AAMDC: variants seen among roughly 807,000 people sequenced by gnomAD.
The protein encoded by AAMDC is mth938 domain-containing protein.
In AAMDC, 16 loss-of-function variants were observed where a neutral mutation model predicts 15.5. The observed-to-expected ratio is 1.03, with a 90% confidence interval of 0.70 to 1.57. The LOEUF is 1.57. Ranked by LOEUF, AAMDC falls within the 40% of genes most tolerant of loss-of-function variation. The pLI is 0.00. For missense variants in AAMDC, 141 were observed against 144.9 expected (o/e 0.97, Z 0.14); for synonymous variants, 51 against 51.6 (o/e 0.99, Z 0.05).
chr11:77,889,820 G>A (rs1482020459), intron 5 of AAMDC, among the ~76,000 whole-genome samples: 1 of 152,180 alleles, frequency 6.6e-6, no homozygotes, highest in Non-Finnish European at 1.5e-5. Context: ...TATCTAAAAG[G>A]TTTAGCCTTG....
intron 1 of AAMDC, among the ~76,000 whole-genome samples, chr11:77,830,805 A>G (rs746375248): frequency 1.5e-4 from 23 of 152,040 alleles, no homozygotes; most frequent in Non-Finnish European, 2.5e-4. Context: ...GATACTCAAC[A>G]TCATTGATCA....
chr11:77,833,543 C>T (rs765874874), intron 1 of AAMDC, among the ~76,000 whole-genome samples: 16 of 152,176 alleles, frequency 1.1e-4, no homozygotes, highest in Non-Finnish European at 2.1e-4. Flanking sequence ...AAGTATCGCT[C>T]ACTCACCTGC....
chr11:77,834,441 GTTTTTTTT>G (rs11438814), intron 1 of AAMDC, among the ~76,000 whole-genome samples: 1 of 105,548 alleles, frequency 9.5e-6, no homozygotes, highest in Admixed American at 1.1e-4. Context: ...AGTTGATTTT[GTTTTTTTT>G]TTTTTTTTTT....
At chr11:77,901,438 T>C, downstream of AAMDC, 1 of 1,614,002 alleles carries the variant, frequency 6.2e-7, no homozygotes, top group Non-Finnish European at 8.5e-7. Context: ...TAGTTCGTGC[T>C]GTTACTATAA....
intron 2 of AAMDC, among the ~76,000 whole-genome samples, chr11:77,852,224 C>A (rs375334512): frequency 4.1e-3 from 138 of 33,490 alleles, no homozygotes; most frequent in South Asian, 4.9e-3. Flanking sequence ...GACACTGTCT[C>A]AAAAAAAAAA....
intron 2 of AAMDC, among the ~76,000 whole-genome samples, chr11:77,843,433 T>C (rs531289738): frequency 1.3e-5 from 2 of 152,220 alleles, no homozygotes; most frequent in African/African-American, 2.4e-5. Context: ...AAAGTCCTGC[T>C]CCTCCTGGGA....
intron 2 of AAMDC, among the ~76,000 whole-genome samples, chr11:77,848,552 G>T (rs1362491591): frequency 6.6e-6 from 1 of 152,036 alleles, no homozygotes; most frequent in Non-Finnish European, 1.5e-5. Context: ...TAGAGGTGGG[G>T]TTTCACCATG....
chr11:77,896,582 G>GT (rs1339596904), intron 5 of AAMDC, among the ~76,000 whole-genome samples: 3 of 151,404 alleles, frequency 2.0e-5, no homozygotes, highest in Non-Finnish European at 4.4e-5. Context: ...AACCCGGGAG[G>GT]TGGAGGTTGT....
At chr11:77,863,308 G>C (rs750278436) in intron 2 of AAMDC, among the ~76,000 whole-genome samples, 2 of 152,192 alleles carry the variant, frequency 1.3e-5, no homozygotes, top group Non-Finnish European at 2.9e-5. Context: ...TGCCGGATCC[G>C]GAGGGATGGA....
At chr11:77,832,616 G>A (rs962642051) in intron 1 of AAMDC, among the ~76,000 whole-genome samples, 6 of 151,624 alleles carry the variant, frequency 4.0e-5, no homozygotes, top group Non-Finnish European at 8.8e-5. Context: ...ATGAGCCACC[G>A]CGCCTGGCCA....
At chr11:77,900,388 C>G (rs956559827) in intron 5 of AAMDC, among the ~76,000 whole-genome samples, 1 of 152,132 alleles carries the variant, frequency 6.6e-6, no homozygotes, top group African/African-American at 2.4e-5. Context: ...TGTGAGCCAC[C>G]ACACCCGGCC....
At chr11:77,856,374 A>C (rs1192604411) in intron 2 of AAMDC, among the ~76,000 whole-genome samples, 1 of 152,060 alleles carries the variant, frequency 6.6e-6, no homozygotes, top group African/African-American at 2.4e-5. Flanking sequence ...ATTTGCCCTC[A>C]TCTTCCTTTC....
chr11:77,851,554 G>A (rs1372823159), intron 2 of AAMDC: 1 of 152,134 alleles, frequency 6.6e-6, no homozygotes, highest in African/African-American at 2.4e-5. Flanking sequence ...CCCAATGTTG[G>A]AGGTGGGGCT....
At chr11:77,860,908 G>A (rs557772958) in intron 2 of AAMDC, among the ~76,000 whole-genome samples, 1 of 152,212 alleles carries the variant, frequency 6.6e-6, no homozygotes, top group African/African-American at 2.4e-5. Flanking sequence ...TTGCACTAAC[G>A]TTCACTGTCT....
chr11:77,894,303 C>A lies in AAMDC; in HGVS notation c.329-6268C>A. On this transcript the variant is annotated intron_variant, in intron 5 of 5. Transcript: ENST00000304716. ...TAAAATACTTACCTCTGAAAAAAGT[C>A]TACTTCCTGTAAAAATTTTTCACAC... The A allele has an allele frequency of 2.6e-6, 4 of 1,550,836 alleles. No homozygotes were observed. Among genetic ancestry groups the A allele is most frequent in the Non-Finnish European group, 3.5e-6 (4 of 1,129,210 alleles).
chr11:77,900,402 T>C (rs952928323), intron 5 of AAMDC, among the ~76,000 whole-genome samples: 1 of 152,146 alleles, frequency 6.6e-6, no homozygotes, highest in Non-Finnish European at 1.5e-5. Flanking sequence ...CCCGGCCACA[T>C]ATGAATATCT....
At chr11:77,844,089 G>A (rs1001477027) in intron 2 of AAMDC, among the ~76,000 whole-genome samples, 4 of 151,864 alleles carry the variant, frequency 2.6e-5, no homozygotes, top group Non-Finnish European at 4.4e-5. Flanking sequence ...ATTTGGGTGG[G>A]GACACAGCCA....
At chr11:77,834,585 T>C (rs1949599090) in intron 1 of AAMDC, among the ~76,000 whole-genome samples, 1 of 152,106 alleles carries the variant, frequency 6.6e-6, no homozygotes, top group Non-Finnish European at 1.5e-5. Flanking sequence ...CAGCTAATTT[T>C]TGTATTTTTG....
chr11:77,879,207 C>A, intron 5 of AAMDC: 1 of 1,494,542 alleles, frequency 6.7e-7, no homozygotes. Context: ...AAAGAAATAT[C>A]AAAATGGAAG....
Sources: allele counts gnomAD v4.1 joint callset (sites outside exome capture counted in the v4.1 genomes callset), GRCh38; gene constraint gnomAD v4.1.1; transcripts MANE v1.5; gene names NCBI Gene and HGNC (gene_info 2026-07-23, HGNC 2026-07-21).